RNF2: variants seen among roughly 807,000 people sequenced by gnomAD.
The protein encoded by RNF2 is E3 ubiquitin-protein ligase RING2.
RNF2 carries 6 observed loss-of-function variants against 37.2 expected under a neutral mutation model. That is an observed-to-expected ratio of 0.16 (90% CI 0.09 to 0.32). The LOEUF is 0.32. RNF2 is among the 10% of genes least tolerant of loss of function. The pLI, the probability that RNF2 is intolerant of heterozygous loss-of-function variation, is 1.00. For missense variants in RNF2, 251 were observed against 404.0 expected (o/e 0.62, Z 3.25); for synonymous variants, 133 against 132.7 (o/e 1.00, Z -0.02).
At chr1:185,063,729 G>A (rs1480146472) in intron 1 of RNF2, among the ~76,000 whole-genome samples, 1 of 152,094 alleles carries the variant, frequency 6.6e-6, no homozygotes, top group Non-Finnish European at 1.5e-5. Flanking sequence ...GAGTCTCTAG[G>A]GGAGAATTCA....
chr1:185,094,821 T>C (rs770350329), intron 4 of RNF2, among the ~76,000 whole-genome samples: 4 of 152,214 alleles, frequency 2.6e-5, no homozygotes, highest in Non-Finnish European at 4.4e-5. Flanking sequence ...TCGTCTGATT[T>C]ATTCAGGCCT....
intron 1 of RNF2, among the ~76,000 whole-genome samples, chr1:185,075,954 G>T (rs1224316535): frequency 6.6e-6 from 1 of 152,116 alleles, no homozygotes; most frequent in Admixed American, 6.5e-5. Flanking sequence ...GATTATTAGT[G>T]AAGTTTAGCA....
chr1:185,054,198 C>T (rs1030227978), intron 1 of RNF2, among the ~76,000 whole-genome samples: 9 of 152,218 alleles, frequency 5.9e-5, no homozygotes, highest in African/African-American at 2.2e-4. Flanking sequence ...GCTGCTAGGG[C>T]ACGCAACGGG....
At chr1:185,051,435 T>C (rs941391476) in intron 1 of RNF2, among the ~76,000 whole-genome samples, 3 of 152,234 alleles carry the variant, frequency 2.0e-5, no homozygotes, top group Non-Finnish European at 2.9e-5. Flanking sequence ...CCAGCCTCAC[T>C]GACTTTACAG....
At chr1:185,056,002 A>G (rs1026675626) in intron 1 of RNF2, among the ~76,000 whole-genome samples, 4 of 152,164 alleles carry the variant, frequency 2.6e-5, no homozygotes, top group Admixed American at 6.5e-5. Context: ...AGGCTCTCAA[A>G]TATTAAAGTA....
intron 1 of RNF2, among the ~76,000 whole-genome samples, chr1:185,054,759 G>A (rs1210312793): frequency 6.6e-6 from 1 of 152,104 alleles, no homozygotes; most frequent in East Asian, 1.9e-4. Flanking sequence ...GTGCAGTGGC[G>A]CGATCTCAGC....
intron 1 of RNF2, among the ~76,000 whole-genome samples, chr1:185,083,020 T>C (rs1651475435): frequency 6.6e-6 from 1 of 152,208 alleles, no homozygotes; most frequent in African/African-American, 2.4e-5. Flanking sequence ...CCATCTATAT[T>C]TATACATGGT....
intron 1 of RNF2, among the ~76,000 whole-genome samples, chr1:185,065,901 C>G (rs1002501265): frequency 6.6e-6 from 1 of 151,786 alleles, no homozygotes; most frequent in African/African-American, 2.4e-5. Flanking sequence ...GCTAGAACTT[C>G]CACTAGTATG....
chr1:185,051,460 T>TA (rs1650270796), intron 1 of RNF2, among the ~76,000 whole-genome samples: 1 of 152,154 alleles, frequency 6.6e-6, no homozygotes, highest in Non-Finnish European at 1.5e-5. Context: ...TTTGAAAAGA[T>TA]ATAAGAAGTA....
At chr1:185,099,055 T>A (rs1651999559) in intron 5 of RNF2, among the ~76,000 whole-genome samples, 1 of 147,902 alleles carries the variant, frequency 6.8e-6, no homozygotes, top group African/African-American at 2.5e-5. Flanking sequence ...CGGCCTCTTT[T>A]TTTTTTTTTT....
At position 185,048,475 on chromosome 1, in the gene RNF2, T is replaced by G. The variant is rs3753571; in HGVS notation, c.-3+2826T>G. 5.5e-3 allele frequency among the ~76,000 whole-genome samples: 841 copies of G among 152,328 alleles called. 32 individuals are homozygous for G. The East Asian group carries it at 0.085, about 15-fold the overall frequency. ...CCATTTCATTTTGAGAATTAACATG[T>G]TTGCCATTTATCATAATTTTTAAAA... is the stretch of plus-strand genomic sequence containing the variant. On this transcript the variant is annotated intron_variant, in intron 1 of 6. Coordinates refer to ENST00000367510, the MANE Select transcript of RNF2 (RefSeq NM_007212.4).
intron 1 of RNF2, among the ~76,000 whole-genome samples, chr1:185,076,556 G>A (rs1198922651): frequency 1.3e-5 from 2 of 150,038 alleles, no homozygotes; most frequent in East Asian, 3.9e-4. Flanking sequence ...AAAGTGCTGG[G>A]ATTACAGGGG....
chr1:185,051,703 G>A (rs1650275843), intron 1 of RNF2, among the ~76,000 whole-genome samples: 1 of 149,770 alleles, frequency 6.7e-6, no homozygotes, highest in Non-Finnish European at 1.5e-5. Context: ...AATCTGGTTG[G>A]TAGTGCAGCA....
At chr1:185,070,638 C>CTTTTTTTTTTTT (rs893631238) in intron 1 of RNF2, among the ~76,000 whole-genome samples, 1 of 129,744 alleles carries the variant, frequency 7.7e-6, no homozygotes, top group East Asian at 2.3e-4. Context: ...ATTTTCTTTT[C>CTTTTTTTTTTTT]TTTTTTTTTT....
chr1:185,068,115 T>G (rs562020157), intron 1 of RNF2, among the ~76,000 whole-genome samples: 2 of 152,284 alleles, frequency 1.3e-5, no homozygotes, highest in South Asian at 4.1e-4. Flanking sequence ...GCGATTCTCC[T>G]GCCTCAGCCT....
intron 1 of RNF2, among the ~76,000 whole-genome samples, chr1:185,083,469 C>A (rs1372769085): frequency 6.6e-6 from 1 of 152,002 alleles, no homozygotes; most frequent in Admixed American, 6.6e-5. Flanking sequence ...GTCTTGACGG[C>A]AATTTCTCAT....
chr1:185,096,862 A>T, intron 4 of RNF2, among the ~76,000 whole-genome samples: 1 of 146,050 alleles, frequency 6.8e-6, no homozygotes, highest in African/African-American at 2.5e-5. Context: ...TTAAAGCATG[A>T]GTTCTTGAGC....
chr1:185,077,221 TA>T (rs1651193107), intron 1 of RNF2, among the ~76,000 whole-genome samples: 1 of 152,152 alleles, frequency 6.6e-6, no homozygotes, highest in African/African-American at 2.4e-5. Flanking sequence ...TGTTGGATTT[TA>T]TAGTTAGCTA....
chr1:185,085,612 C>T (rs1651570723), intron 1 of RNF2, among the ~76,000 whole-genome samples: 1 of 151,814 alleles, frequency 6.6e-6, no homozygotes, highest in Non-Finnish European at 1.5e-5. Flanking sequence ...TTCTATACTA[C>T]TTGAGTTTTT....
Sources: gnomAD v4.1 joint callset for allele counts (sites outside exome capture counted in the v4.1 genomes callset) on GRCh38, gnomAD v4.1.1 for gene constraint, MANE v1.5 for transcripts, NCBI Gene and HGNC (gene_info 2026-07-23, HGNC 2026-07-21) for gene names.